Variants in ANP32E observed in about 807,000 individuals in gnomAD.
ANP32E encodes the protein acidic nuclear phosphoprotein 32 family member E.
A neutral mutation model predicts 35.3 loss-of-function variants in ANP32E; 14 were observed. The observed-to-expected ratio is 0.40, with a 90% CI of 0.26 to 0.62. The LOEUF is 0.62. ANP32E is among the 20% of genes least tolerant of loss of function. The probability of loss-of-function intolerance (pLI) is 0.45; values close to 1 mark genes in which losing one functional copy is unlikely to be tolerated. For synonymous variants in ANP32E, 89 were observed against 110.4 expected, an observed-to-expected ratio of 0.81 and a Z score of 1.22; for missense variants, 198 against 304.4, an observed-to-expected ratio of 0.65 and a Z score of 2.60.
chr1:150,225,630 C>T (rs587625364), intron 5 of ANP32E, among the ~76,000 whole-genome samples: 80 of 122,086 alleles, frequency 6.6e-4, no homozygotes, highest in African/African-American at 2.4e-3. Context: ...AAGATCGCAC[C>T]ACTGCACTCC....
At chr1:150,234,789 G>A in intron 1 of ANP32E, 20 of 503,002 alleles carry the variant, frequency 4.0e-5, no homozygotes, top group Non-Finnish European at 4.9e-5. Flanking sequence ...AGGCAACCGC[G>A]AAAAGGAGGC....
chr1:150,220,767 A>C lies in ANP32E; in HGVS notation c.737-6T>G. The C allele has an allele frequency of 6.2e-7, 1 of 1,612,266 alleles. No individual in the cohort carries two copies. The stretch of plus-strand genomic sequence containing the variant: ...CCCTCGAAGACCTCCTTCTTCTTAA[A>C]GAGTGGAAAGAAAAATGCAAAGTGC... On this transcript the variant is annotated splice_region_variant and splice_polypyrimidine_tract_variant and intron_variant, in intron 6 of 6. Coordinates refer to ENST00000583931, the MANE Select transcript of ANP32E (RefSeq NM_030920.5).
intron 1 of ANP32E, among the ~76,000 whole-genome samples, chr1:150,232,299 C>G (rs1357829398): frequency 7.2e-6 from 1 of 139,678 alleles, no homozygotes; most frequent in Non-Finnish European, 1.6e-5. Flanking sequence ...AGCCGAGATC[C>G]CGCCACTGCA....
rs1483746602 is a variant in ANP32E, at chr1:150,230,564, C to T, written c.327+7G>A. 1.9e-6 allele frequency: 3 copies of T among 1,590,702 alleles called. No homozygotes were observed. The highest frequency in any genetic ancestry group is 2.7e-5 in the African/African-American group (2 of 73,898). On this transcript the variant is annotated splice_region_variant and intron_variant, in intron 3 of 6. Coordinates refer to ENST00000583931, the MANE Select transcript of ANP32E (RefSeq NM_030920.5). The stretch of plus-strand genomic sequence containing the variant: ...AGCAAGTCCAGAGACAAAACTGTTC[C>T]ACTTACCAGAGCTTCTACTGTACTG...
Position 150,226,675 on chromosome 1 carries a change from G to A in ANP32E, c.614C>T (p.Ala205Val). Residue 205 changes from alanine to valine, a missense_variant, in exon 5 of 7, where the codon GCA (alanine) becomes GTA (valine). Around this residue, in one of 4 missense-constraint regions of ANP32E, gnomAD observed 121 missense variants for 137.3 expected, o/e 0.88. Transcript: ENST00000583931. ...TTCTCCCTCTCCCAACTCTGAACCT[G>A]CTTCATCTTCATCTTCATCCTCATC... is the stretch of plus-strand genomic sequence containing the variant. Reference protein sequence around the residue: ...DEDEDEDEDEAGSELGEGEEE... With the variant: ...DEDEDEDEDEVGSELGEGEEE... 6.2e-7 allele frequency: 1 copy of A among 1,605,100 alleles called. No homozygotes were observed. Among genetic ancestry groups the A allele is most frequent in the Non-Finnish European group, 8.5e-7 (1 of 1,173,038 alleles).
intron 1 of ANP32E, among the ~76,000 whole-genome samples, chr1:150,234,210 G>C (rs997914770): frequency 6.6e-6 from 1 of 152,070 alleles, no homozygotes; most frequent in African/African-American, 2.4e-5. Context: ...GGGGGAGGCG[G>C]GGGCGGGATT....
chr1:150,229,282 A>ATTTT, intron 3 of ANP32E, 45 bp from the exon 4 acceptor site: 1 of 932,042 alleles, frequency 1.1e-6, no homozygotes. Context: ...TTAAAATACC[A>ATTTT]TGTTATTTCT....
chr1:150,223,400 G>A lies in ANP32E; in HGVS notation c.682-160C>T, dbSNP rs1648593499. The A allele has an allele frequency of 4.2e-6, 4 of 955,948 alleles. No individual in the cohort carries two copies. The South Asian group carries it at 5.3e-5, about 13-fold the overall frequency. The allele number at this position is 955,948 out of a possible 1,614,324, so 59.2% of individuals were successfully genotyped here. ...GTCCTTTTTAAAACCTAACTAAAGG[G>A]CCGGGCGCGGTGGCTCACGCCTGTA... is the stretch of plus-strand genomic sequence containing the variant. On this transcript the variant is annotated intron_variant, in intron 5 of 6. Coordinates refer to ENST00000583931, the MANE Select transcript of ANP32E (RefSeq NM_030920.5).
At position 150,220,617 on chromosome 1, in the gene ANP32E, G is replaced by C. The variant is rs142580858; in HGVS notation, c.*74C>G. 5 of 1,347,804 alleles carry C rather than the reference G, an allele frequency of 3.7e-6. No individual in the cohort carries two copies. Among genetic ancestry groups the C allele is most frequent in the Admixed American group, 3.4e-5 (2 of 58,270 alleles). 83.5% of individuals were successfully genotyped at this position (1,347,804 alleles called of 1,614,324 possible). ...ATTATCTTCTGTAGGGATAGCTATCGTACATGAAGAAACAAAGATGTGATC... is the reference window on the plus strand; with the variant it reads ...ATTATCTTCTGTAGGGATAGCTATCCTACATGAAGAAACAAAGATGTGATC... On this transcript the variant is annotated 3_prime_UTR_variant, in exon 7 of 7. Coordinates refer to ENST00000583931, the MANE Select transcript of ANP32E (RefSeq NM_030920.5).
At position 150,221,596 on chromosome 1, in the gene ANP32E, G is replaced by GGAAGGAAGGAAGGAA. The variant is rs1648404897; in HGVS notation, c.737-836_737-835insTTCCTTCCTTCCTTC. ...AGAGTGGGAGGAAGGGAGGGAGGGA[G>GGAAGGAAGGAAGGAA]GGAGGGAGGGAAGGAAGGAAGGAAG... is the stretch of plus-strand genomic sequence containing the variant. On this transcript the variant is annotated intron_variant, in intron 6 of 6. Coordinates refer to ENST00000583931, the MANE Select transcript of ANP32E (RefSeq NM_030920.5). 0.017 allele frequency among the ~76,000 whole-genome samples: 74 copies of GGAAGGAAGGAAGGAA among 4,308 alleles called. 7 individuals are homozygous for GGAAGGAAGGAAGGAA. The Middle Eastern group carries it at 0.19, about 11-fold the overall frequency. 2.8% of individuals were successfully genotyped at this position (4,308 alleles called of 152,430 possible).
chr1:150,223,196 C>T lies in ANP32E; in HGVS notation c.726G>A (p.Glu242=), dbSNP rs1648574738. ...GCTAATGTAACTCACCCTCTTCTTC[C>T]TCTTCTTCCCCTTCTTCAACATAGT... ...DDDYVEEGEE[E]EEEEEGGLRG... Residue 242 remains glutamate, a synonymous_variant, in exon 6 of 7, where the codon GAG becomes GAA. Coordinates refer to ENST00000583931, the MANE Select transcript of ANP32E (RefSeq NM_030920.5). The T allele has an allele frequency of 2.6e-6, 4 of 1,521,332 alleles. No individual in the cohort carries two copies. The highest frequency in any genetic ancestry group is 2.8e-5 in the African/African-American group (2 of 72,128). The allele number at this position is 1,521,332 out of a possible 1,614,324, so 94.2% of individuals were successfully genotyped here. A position where few individuals can be genotyped will look rare whatever the true frequency, so the allele number is the denominator to read the frequency against.
At position 150,221,604 on chromosome 1, in the gene ANP32E, G is replaced by GGAAGGAAGGAAGGAAGGAAGGAAGGAA. The variant is rs1559994099; in HGVS notation, c.737-844_737-843insTTCCTTCCTTCCTTCCTTCCTTCCTTC. 5.7e-4 allele frequency among the ~76,000 whole-genome samples: 21 copies of GGAAGGAAGGAAGGAAGGAAGGAAGGAA among 36,894 alleles called. 3 individuals are homozygous for GGAAGGAAGGAAGGAAGGAAGGAAGGAA. Among genetic ancestry groups the GGAAGGAAGGAAGGAAGGAAGGAAGGAA allele is most frequent in the Admixed American group, 1.2e-3 (4 of 3,268 alleles). The allele number at this position is 36,894 out of a possible 152,430, so 24.2% of individuals were successfully genotyped here. ...AGGAAGGGAGGGAGGGAGGGAGGGA[G>GGAAGGAAGGAAGGAAGGAAGGAAGGAA]GGAAGGAAGGAAGGAAGGAAGGAAA... On this transcript the variant is annotated intron_variant, in intron 6 of 6. Transcript: ENST00000583931.
intron 5 of ANP32E, among the ~76,000 whole-genome samples, chr1:150,224,646 A>G (rs1215468084): frequency 1.3e-5 from 2 of 152,140 alleles, no homozygotes; most frequent in East Asian, 3.8e-4. Flanking sequence ...CAAGACCCCA[A>G]ATGAATATAA....
Position 150,230,550 on chromosome 1 carries a change from AG to A in ANP32E, c.327+20del. On this transcript the variant is annotated intron_variant, in intron 3 of 6. Transcript: ENST00000583931. ...ATTTAACCAAAAAAAGCAAGTCCAG[AG>A]ACAAAACTGTTCCACTTACCAGAGC... is the stretch of plus-strand genomic sequence containing the variant. 6.4e-7 allele frequency: 1 copy of A among 1,566,276 alleles called. No individual in the cohort carries two copies. The highest frequency in any genetic ancestry group is 8.6e-7 in the Non-Finnish European group (1 of 1,158,672).
In ANP32E at chr1:150,220,533, T is replaced by C; in HGVS notation, c.*158A>G. On this transcript the variant is annotated 3_prime_UTR_variant, in exon 7 of 7. Coordinates refer to ENST00000583931, the MANE Select transcript of ANP32E (RefSeq NM_030920.5). ...AATATGATCATTAACAGACTAGTTC[T>C]TATTTGGAATGATAAGGCAAAAATA... 5 of 671,840 alleles carry C rather than the reference T, an allele frequency of 7.4e-6. No individual in the cohort carries two copies. The highest frequency in any genetic ancestry group is 1.3e-5 in the Non-Finnish European group (5 of 391,012). The allele number at this position is 671,840 out of a possible 1,614,324, so 41.6% of individuals were successfully genotyped here.
intron 1 of ANP32E, among the ~76,000 whole-genome samples, chr1:150,233,929 G>A (rs1394370545): frequency 5.3e-5 from 8 of 151,858 alleles, no homozygotes; most frequent in African/African-American, 1.9e-4. Context: ...TACTAGATTT[G>A]GTGTCAGAAA....
rs587727112 is a variant in ANP32E at position 150,223,403 on chromosome 1, G to C, written c.682-163C>G. 4.2e-5 allele frequency: 38 copies of C among 909,664 alleles called. No homozygotes were observed. In the African/African-American group the frequency reaches 5.8e-4, roughly 14 times the overall value. The allele number at this position is 909,664 out of a possible 1,614,324, so 56.3% of individuals were successfully genotyped here. A position where few individuals can be genotyped will look rare whatever the true frequency, so the allele number is the denominator to read the frequency against. On this transcript the variant is annotated intron_variant, in intron 5 of 6. Coordinates refer to ENST00000583931, the MANE Select transcript of ANP32E (RefSeq NM_030920.5). ...CTTTTTAAAACCTAACTAAAGGGCC[G>C]GGCGCGGTGGCTCACGCCTGTAATC...
chr1:150,222,442 A>T (rs1648502158), intron 6 of ANP32E, among the ~76,000 whole-genome samples: 1 of 148,850 alleles, frequency 6.7e-6, no homozygotes, highest in Non-Finnish European at 1.5e-5. Flanking sequence ...AAATAAATAA[A>T]ATAAAATAAA....
At chr1:150,223,584 C>G (rs1188889709) in intron 5 of ANP32E, among the ~76,000 whole-genome samples, 2 of 146,880 alleles carry the variant, frequency 1.4e-5, no homozygotes, top group Non-Finnish European at 3.0e-5. Context: ...GGGAGGCTGA[C>G]GCAGGAGAAT....
Sources: allele counts gnomAD v4.1 joint callset (sites outside exome capture counted in the v4.1 genomes callset), GRCh38; gene constraint gnomAD v4.1.1; regional missense constraint gnomAD v4.1.1; transcripts MANE v1.5; gene names NCBI Gene and HGNC (gene_info 2026-07-23, HGNC 2026-07-21).